GRM7: variants seen among roughly 807,000 people sequenced by gnomAD.
The protein encoded by GRM7 is glutamate metabotropic receptor 7, also known as metabotropic glutamate receptor 7.
Under a neutral mutation model 84.5 loss-of-function variants are expected in GRM7, and 35 were observed. The ratio of observed to expected loss-of-function variants is 0.41; its 90% CI spans 0.32 to 0.55. The LOEUF (loss-of-function observed/expected upper bound fraction) is 0.55. GRM7 is among the 20% of genes least tolerant of loss of function. The pLI, the probability that GRM7 is intolerant of heterozygous loss-of-function variation, is 0.19. For missense variants in GRM7, 1,003 were observed against 1,194.6 expected (o/e 0.84, Z 2.36); for synonymous variants, 487 against 455.1 (o/e 1.07, Z -0.89).
At chr3:7,180,983 A>T (rs536557220) in intron 2 of GRM7, among the ~76,000 whole-genome samples, 1 of 152,152 alleles carries the variant, frequency 6.6e-6, no homozygotes, top group South Asian at 2.1e-4. Context: ...AAAACATCCC[A>T]TGCTCATTTT....
At chr3:7,295,267 T>C (rs560447738) in intron 2 of GRM7, among the ~76,000 whole-genome samples, 23 of 152,302 alleles carry the variant, frequency 1.5e-4, no homozygotes, top group African/African-American at 5.5e-4. Flanking sequence ...TTCCTTTGAG[T>C]TCCTTTGCAT....
At chr3:7,171,981 G>A (rs1228433099) in intron 2 of GRM7, among the ~76,000 whole-genome samples, 1 of 152,192 alleles carries the variant, frequency 6.6e-6, no homozygotes, top group Non-Finnish European at 1.5e-5. Context: ...TGCAGAAGTA[G>A]GTTTAGAACA....
In GRM7 at chr3:7,417,123, C is replaced by G. The variant is rs547988307; in HGVS notation, c.1174+1960C>G. Among the ~76,000 whole-genome samples the G allele has an allele frequency of 2.6e-5, 4 of 152,234 alleles. No individual in the cohort carries two copies. In the East Asian group the frequency reaches 5.8e-4, roughly 22 times the overall value. ...ACTAGTAAGGTCATTATGCAAGCCTCTACCTTACAAAAATGGAAATAGAAG... is the reference window on the plus strand; with the variant it reads ...ACTAGTAAGGTCATTATGCAAGCCTGTACCTTACAAAAATGGAAATAGAAG... On this transcript the variant is annotated intron_variant, in intron 5 of 9. Coordinates refer to ENST00000357716, the MANE Select transcript of GRM7 (RefSeq NM_000844.4).
intron 8 of GRM7, among the ~76,000 whole-genome samples, chr3:7,679,232 T>C (rs75206376): frequency 0.012 from 1,806 of 152,246 alleles, 39 homozygotes; most frequent in African/African-American, 0.042. Context: ...AGTTCTGTGA[T>C]TGAATGAGTA....
At chr3:7,386,795 A>C (rs180871572) in intron 4 of GRM7, among the ~76,000 whole-genome samples, 36 of 152,264 alleles carry the variant, frequency 2.4e-4, no homozygotes, top group African/African-American at 8.7e-4. Flanking sequence ...AGTAATTGGG[A>C]CTATTTGGTC....
intron 1 of GRM7, among the ~76,000 whole-genome samples, chr3:6,936,006 G>A (rs1697679809): frequency 6.6e-6 from 1 of 152,048 alleles, no homozygotes; most frequent in African/African-American, 2.4e-5. Flanking sequence ...ACCACTCCCA[G>A]CCTTTGCTTT....
intron 7 of GRM7, among the ~76,000 whole-genome samples, chr3:7,467,821 AAG>A (rs559631193): frequency 2.2e-4 from 34 of 152,320 alleles, no homozygotes; most frequent in African/African-American, 6.5e-4. Context: ...AAAAAGAAAA[AAG>A]AATTGGTTTT....
At chr3:7,426,116 T>TTCTTTC (rs1553592456) in intron 5 of GRM7, among the ~76,000 whole-genome samples, 1 of 99,346 alleles carries the variant, frequency 1.0e-5, no homozygotes, top group East Asian at 2.8e-4. Context: ...CTTTCTTTCT[T>TTCTTTC]TTTCTTTTTC....
chr3:7,434,243 T>A (rs11917327), intron 5 of GRM7, among the ~76,000 whole-genome samples: 50,153 of 152,078 alleles, frequency 0.33, 9,572 homozygotes, highest in Non-Finnish European at 0.44. Flanking sequence ...TTTATATAGA[T>A]GATCACATCA....
At chr3:7,281,937 GC>G (rs1422154860) in intron 2 of GRM7, among the ~76,000 whole-genome samples, 1 of 152,178 alleles carries the variant, frequency 6.6e-6, no homozygotes, top group African/African-American at 2.4e-5. Flanking sequence ...GAAGAAATTA[GC>G]CGGGCGTGGC....
intron 4 of GRM7, among the ~76,000 whole-genome samples, chr3:7,358,354 C>CTCAGGCTGGAGTG (rs1553567486): frequency 7.9e-6 from 1 of 125,814 alleles, no homozygotes. Context: ...GGACTGAGTC[C>CTCAGGCTGGAGTG]CAGGAGATCA....
intron 1 of GRM7, among the ~76,000 whole-genome samples, chr3:6,893,325 A>G (rs1696043021): frequency 6.6e-6 from 1 of 152,190 alleles, no homozygotes; most frequent in South Asian, 2.1e-4. Context: ...AGATGTCTTA[A>G]TAGATAATAT....
intron 9 of GRM7, among the ~76,000 whole-genome samples, chr3:7,713,687 A>C (rs162793): frequency 0.4 from 60,347 of 151,888 alleles, 15,103 homozygotes; most frequent in Non-Finnish European, 0.57. Context: ...AAATTATTTG[A>C]ATAATGCATG....
At chr3:7,420,438 AC>A (rs1186320349) in intron 5 of GRM7, among the ~76,000 whole-genome samples, 5 of 152,118 alleles carry the variant, frequency 3.3e-5, no homozygotes, top group Non-Finnish European at 7.4e-5. Flanking sequence ...GTACTCTAAG[AC>A]TTTTTTTGAA....
chr3:7,647,860 G>A (rs1036906509), intron 8 of GRM7, among the ~76,000 whole-genome samples: 2 of 152,110 alleles, frequency 1.3e-5, no homozygotes, highest in Admixed American at 6.6e-5. Flanking sequence ...ATGGATTTGA[G>A]GTTAGCAGGA....
intron 7 of GRM7, among the ~76,000 whole-genome samples, chr3:7,533,298 C>T (rs1407328760): frequency 6.6e-6 from 1 of 152,320 alleles, no homozygotes; most frequent in East Asian, 1.9e-4. Context: ...CAAACATTCT[C>T]TCAGACCACA....
chr3:7,282,129 T>C (rs1048126247), intron 2 of GRM7, among the ~76,000 whole-genome samples: 1 of 152,158 alleles, frequency 6.6e-6, no homozygotes, highest in Non-Finnish European at 1.5e-5. Flanking sequence ...CTATGCACAT[T>C]ACAATCTCAG....
intron 1 of GRM7, among the ~76,000 whole-genome samples, chr3:7,090,442 A>G (rs73115039): frequency 0.07 from 10,626 of 152,258 alleles, 421 homozygotes; most frequent in African/African-American, 0.12. Flanking sequence ...AGTTTCTTGC[A>G]CATAGCATTC....
intron 1 of GRM7, among the ~76,000 whole-genome samples, chr3:6,976,823 C>T (rs1235124908): frequency 6.6e-6 from 1 of 152,190 alleles, no homozygotes; most frequent in Non-Finnish European, 1.5e-5. Flanking sequence ...TGTTATAACA[C>T]TATTTAAAAA....
Sources: allele counts gnomAD v4.1 joint callset (sites outside exome capture counted in the v4.1 genomes callset), GRCh38; gene constraint gnomAD v4.1.1; transcripts MANE v1.5; gene names NCBI Gene and HGNC (gene_info 2026-07-23, HGNC 2026-07-21).